The following GUCY1A2 variants were observed in gnomAD, a reference collection of about 807,000 sequenced individuals.
GUCY1A2 encodes guanylate cyclase 1 soluble subunit alpha 2.
Under a neutral mutation model 63.5 loss-of-function variants are expected in GUCY1A2, and 27 were observed. The ratio of observed to expected loss-of-function variants is 0.43; its 90% CI spans 0.31 to 0.59. GUCY1A2 has a LOEUF of 0.59. Ranked by LOEUF, GUCY1A2 falls within the 20% of genes least tolerant of loss-of-function variation. The probability of loss-of-function intolerance (pLI) is 0.11; values close to 1 mark genes in which losing one functional copy is unlikely to be tolerated. For synonymous variants in GUCY1A2, 364 were observed against 343.5 expected (o/e 1.06, Z -0.66); for missense variants, 768 against 913.3 (o/e 0.84, Z 2.05).
intron 1 of GUCY1A2, among the ~76,000 whole-genome samples, chr11:106,999,353 A>C: frequency 6.6e-6 from 1 of 152,316 alleles, no homozygotes; most frequent in East Asian, 1.9e-4. Flanking sequence ...AACTAGTATA[A>C]AATACCAAGG....
At chr11:106,700,434 CAAAGAA>C (rs1448570477) in intron 7 of GUCY1A2, among the ~76,000 whole-genome samples, 1 of 151,840 alleles carries the variant, frequency 6.6e-6, no homozygotes, top group Non-Finnish European at 1.5e-5. Context: ...AGCAGAGAGA[CAAAGAA>C]AGAGATAGTA....
chr11:106,985,678 T>G (rs1009608890), intron 2 of GUCY1A2, among the ~76,000 whole-genome samples: 1 of 152,166 alleles, frequency 6.6e-6, no homozygotes, highest in African/African-American at 2.4e-5. Flanking sequence ...TGAACTGTGT[T>G]AAGGCTGTAG....
intron 1 of GUCY1A2, among the ~76,000 whole-genome samples, chr11:106,988,663 G>C (rs1298507661): frequency 6.6e-6 from 1 of 152,186 alleles, no homozygotes; most frequent in African/African-American, 2.4e-5. Context: ...GCTTCAGGTT[G>C]ATAAAGCATT....
At chr11:106,856,651 A>G (rs1187088493) in intron 4 of GUCY1A2, among the ~76,000 whole-genome samples, 1 of 152,202 alleles carries the variant, frequency 6.6e-6, no homozygotes, top group Non-Finnish European at 1.5e-5. Context: ...CAGACAGTCA[A>G]AATTTCCATT....
intron 4 of GUCY1A2, among the ~76,000 whole-genome samples, chr11:106,883,449 C>T (rs1859854738): frequency 6.6e-6 from 1 of 152,030 alleles, no homozygotes; most frequent in African/African-American, 2.4e-5. Context: ...GTACTGGACA[C>T]TGGGGATTAA....
chr11:106,832,392 G>A lies in GUCY1A2; in HGVS notation c.1207-21914C>T, dbSNP rs989340116. 2.6e-5 allele frequency among the ~76,000 whole-genome samples: 4 copies of A among 152,000 alleles called. No homozygotes were observed. The East Asian group carries it at 7.7e-4, about 29-fold the overall frequency. On this transcript the variant is annotated intron_variant, in intron 4 of 7. Transcript: ENST00000526355. ...TGTATTAGAGACTTTATTTCTTTTT[G>A]ATGTTTATTTTAACATTTAAAATTA...
At position 106,747,372 on chromosome 11, in the gene GUCY1A2, G is replaced by A. The variant is rs182060820; in HGVS notation, c.1836+29067C>T. On this transcript the variant is annotated intron_variant, in intron 6 of 7. Transcript: ENST00000526355. ...TGATACTTTTCAGAATCTGTAGTAG[G>A]CAACACTTTGCGAAAGTTACTTTAC... Among the ~76,000 whole-genome samples the A allele has an allele frequency of 7.2e-4, 110 of 152,306 alleles. 1 individual carries two copies. Among genetic ancestry groups the A allele is most frequent in the African/African-American group, 2.6e-3 (107 of 41,568 alleles).
intron 5 of GUCY1A2, among the ~76,000 whole-genome samples, chr11:106,798,408 A>C (rs1864807920): frequency 6.6e-6 from 1 of 152,226 alleles, no homozygotes; most frequent in Non-Finnish European, 1.5e-5. Context: ...TCCCTAACTC[A>C]TTTTATGAGG....
chr11:106,866,394 C>T (rs1356078495), intron 4 of GUCY1A2, among the ~76,000 whole-genome samples: 1 of 152,026 alleles, frequency 6.6e-6, no homozygotes, highest in Non-Finnish European at 1.5e-5. Flanking sequence ...CATTTAATGA[C>T]TTCAATGCAT....
intron 6 of GUCY1A2, among the ~76,000 whole-genome samples, chr11:106,730,248 G>C (rs1238615977): frequency 6.6e-6 from 1 of 151,496 alleles, no homozygotes. Flanking sequence ...CTGATAGGTA[G>C]TTTTTTGATC....
chr11:106,920,377 A>G (rs1352884610), intron 4 of GUCY1A2, among the ~76,000 whole-genome samples: 1 of 152,174 alleles, frequency 6.6e-6, no homozygotes, highest in African/African-American at 2.4e-5. Context: ...CATATCGATT[A>G]TACTCTTTTG....
intron 6 of GUCY1A2, among the ~76,000 whole-genome samples, chr11:106,751,713 CCA>C (rs1167913255): frequency 2.0e-5 from 3 of 151,784 alleles, no homozygotes; most frequent in Non-Finnish European, 4.4e-5. Flanking sequence ...CCAAATGCTA[CCA>C]GAGTGGATTT....
chr11:106,813,789 T>C (rs1858795760), intron 4 of GUCY1A2, among the ~76,000 whole-genome samples: 1 of 152,090 alleles, frequency 6.6e-6, no homozygotes, highest in African/African-American at 2.4e-5. Flanking sequence ...ATAATGATGT[T>C]GAGGAGGATG....
intron 4 of GUCY1A2, among the ~76,000 whole-genome samples, chr11:106,912,416 C>G (rs142599558): frequency 6.6e-6 from 1 of 152,142 alleles, no homozygotes; most frequent in African/African-American, 2.4e-5. Context: ...GAACCCAAAC[C>G]TTTTCCTCTG....
At chr11:106,778,947 G>T (rs747953439) in intron 5 of GUCY1A2, among the ~76,000 whole-genome samples, 18 of 149,380 alleles carry the variant, frequency 1.2e-4, no homozygotes, top group Non-Finnish European at 1.5e-4. Flanking sequence ...AATATACCAA[G>T]AATTATTATA....
intron 5 of GUCY1A2, among the ~76,000 whole-genome samples, chr11:106,796,124 T>C (rs1386861419): frequency 2.6e-5 from 4 of 152,188 alleles, no homozygotes; most frequent in Non-Finnish European, 4.4e-5. Context: ...GAGACTAGGA[T>C]TGCAACTCCT....
At chr11:106,914,423 A>G (rs2119878321) in intron 4 of GUCY1A2, among the ~76,000 whole-genome samples, 1 of 152,256 alleles carries the variant, frequency 6.6e-6, no homozygotes, top group Middle Eastern at 3.4e-3. Context: ...ATAACAGCCA[A>G]GTAGGCAGAT....
intron 4 of GUCY1A2, among the ~76,000 whole-genome samples, chr11:106,914,605 A>T (rs941973695): frequency 1.3e-5 from 2 of 150,746 alleles, no homozygotes; most frequent in African/African-American, 5.0e-5. Flanking sequence ...ATAAAAATAA[A>T]AATAATAATC....
intron 4 of GUCY1A2, chr11:106,826,942 C>T: frequency 1.2e-6 from 2 of 1,610,476 alleles, no homozygotes; most frequent in Admixed American, 3.3e-5. Flanking sequence ...CGGTGTAACT[C>T]CTGTAGCACT....
Sources: gnomAD v4.1 joint callset for allele counts (sites outside exome capture counted in the v4.1 genomes callset) on GRCh38, gnomAD v4.1.1 for gene constraint, MANE v1.5 for transcripts, NCBI Gene and HGNC (gene_info 2026-07-23, HGNC 2026-07-21) for gene names.